Variants in CIDEC observed in about 807,000 individuals in gnomAD.
The protein encoded by CIDEC is lipid transferase CIDEC.
Under a neutral mutation model 21.9 loss-of-function variants are expected in CIDEC, and 11 were observed. That is an observed-to-expected ratio of 0.50 (90% CI 0.32 to 0.83). The LOEUF is 0.83. Among genes scored for constraint, CIDEC ranks in the 40% least tolerant of loss-of-function variants. The probability of loss-of-function intolerance (pLI) is 0.04; values close to 1 mark genes in which losing one functional copy is unlikely to be tolerated. For missense variants in CIDEC, 302 were observed against 302.3 expected (o/e 1.00, Z 0.01); for synonymous variants, 127 against 124.9 (o/e 1.02, Z -0.11).
chr3:9,878,328 A>T, intron 3 of CIDEC, 106 bp downstream of exon 3: 6 of 879,790 alleles, frequency 6.8e-6, no homozygotes, highest in Non-Finnish European at 1.2e-5. Context: ...CAGAATCTGC[A>T]CTTGAACAAG....
intron 3 of CIDEC, 169 bp downstream of exon 3, chr3:9,878,265 C>A: frequency 1.5e-6 from 1 of 678,186 alleles, no homozygotes; most frequent in Non-Finnish European, 2.7e-6. Flanking sequence ...TAATATCACC[C>A]AGGGACTTCT....
intron 3 of CIDEC, chr3:9,878,170 C>G (rs1019429226): frequency 2.1e-6 from 1 of 471,256 alleles, no homozygotes; most frequent in African/African-American, 2.0e-5. Context: ...TGTTGTGAGG[C>G]TTACATGAGA....
rs755950777 is a variant in CIDEC, at chr3:9,870,084, G to C, written c.367-15C>G. 1 of 1,614,156 alleles carries C rather than the reference G, an allele frequency of 6.2e-7. No homozygotes were observed. Among genetic ancestry groups the C allele is most frequent in the South Asian group, 1.1e-5 (1 of 91,080 alleles). On this transcript the variant is annotated splice_polypyrimidine_tract_variant and intron_variant, in intron 5 of 6. Coordinates refer to ENST00000336832, the MANE Select transcript of CIDEC (RefSeq NM_001321142.2). ...TGCCTTGTCCCCTGCATTGAGACAAGCAAATGGTTAGCACCCCTTGAAGAC... is the reference window on the plus strand; with the variant it reads ...TGCCTTGTCCCCTGCATTGAGACAACCAAATGGTTAGCACCCCTTGAAGAC...
In CIDEC at chr3:9,867,080, C is replaced by T. The variant is rs760305070; in HGVS notation, c.*54G>A. On this transcript the variant is annotated 3_prime_UTR_variant, in exon 7 of 7. Coordinates refer to ENST00000336832, the MANE Select transcript of CIDEC (RefSeq NM_001321142.2). ...AGGCTTGTGGGCACTACCAGTTAAG[C>T]GTGAGGCCCCCAGTCAGTCCTTCAC... 47 of 1,590,442 alleles carry T rather than the reference C, an allele frequency of 3.0e-5. No homozygotes were observed. The East Asian group carries it at 7.4e-4, about 25-fold the overall frequency.
At position 9,867,191 on chromosome 3, in the gene CIDEC, C is replaced by A. The variant is rs52790883; in HGVS notation, c.660G>T (p.Gln220His). 806 of 1,614,060 alleles carry A rather than the reference C, an allele frequency of 5.0e-4. 1 individual carries two copies. Among genetic ancestry groups the A allele is most frequent in the Non-Finnish European group, 4.8e-4 (566 of 1,180,050 alleles). The change falls in exon 7 of 7, where the codon CAG becomes CAT. Residue 220 changes from glutamine to histidine, a missense_variant. Gln to His is a conservative substitution (Grantham distance 24). Transcript: ENST00000336832. ...GGGATGAGGCCTTGCCCTTGGGGGG[C>A]TGCCCTTCCTCCGTAGCATCGAGGA... ...QQLLDATEEGQPPKGKASSLI... is the reference protein window; with the variant it reads ...QQLLDATEEGHPPKGKASSLI...
At chr3:9,873,879 G>T (rs1351129884) in intron 4 of CIDEC, among the ~76,000 whole-genome samples, 1 of 152,122 alleles carries the variant, frequency 6.6e-6, no homozygotes, top group Admixed American at 6.6e-5. Flanking sequence ...GATTCACTAA[G>T]GAACATATCT....
intron 3 of CIDEC, 67 bp downstream of exon 3, chr3:9,878,367 G>A (rs1273056002): frequency 9.9e-6 from 12 of 1,209,340 alleles, no homozygotes; most frequent in South Asian, 4.8e-5. Context: ...ACCCATTAAA[G>A]TTTGAGAAGT....
chr3:9,877,179 G>A lies in CIDEC; in HGVS notation c.94C>T (p.Leu32=). 6.4e-7 allele frequency: 1 copy of A among 1,550,866 alleles called. No homozygotes were observed. The highest frequency in any genetic ancestry group is 8.7e-7 in the Non-Finnish European group (1 of 1,147,092). ...VRTSVVTQQL[L]SEPSPKAPRA... ...GGGGCCTTGGGGCTGGGCTCCGACA[G>A]CAGCTGCTGGGTCACCACAGAGGTA... The change falls in exon 4 of 7, where the codon CTG becomes TTG. Residue 32 remains leucine (L), a synonymous_variant. Transcript: ENST00000336832.
intron 4 of CIDEC, 197 bp from the exon 5 acceptor site, chr3:9,870,519 A>C: frequency 2.7e-6 from 4 of 1,464,626 alleles, no homozygotes; most frequent in Non-Finnish European, 3.7e-6. Flanking sequence ...GTCACATATA[A>C]TTTTTAATTG....
rs994138035 is a variant in CIDEC at position 9,866,768 on chromosome 3, G to A, written c.*366C>T. ...TAATATCACATGCTAGTGCGCTTGC[G>A]AATTCACTCAGGAATGTTCCGGGAT... On this transcript the variant is annotated 3_prime_UTR_variant, in exon 7 of 7. Coordinates refer to ENST00000336832, the MANE Select transcript of CIDEC (RefSeq NM_001321142.2). The A allele has an allele frequency of 3.4e-5, 18 of 531,328 alleles. No homozygotes were observed. The highest frequency in any genetic ancestry group is 1.5e-4 in the African/African-American group (8 of 53,056). The allele number at this position is 531,328 out of a possible 1,614,324, so 32.9% of individuals were successfully genotyped here. A position where few individuals can be genotyped will look rare whatever the true frequency, so the allele number is the denominator to read the frequency against.
chr3:9,878,869 G>T, intron 2 of CIDEC, 73 bp downstream of exon 2: 3 of 1,484,940 alleles, frequency 2.0e-6, no homozygotes, highest in Non-Finnish European at 2.7e-6. Context: ...TCCTGTCCAT[G>T]GGGACAGAGT....
chr3:9,875,491 A>G (rs543256763), intron 4 of CIDEC, among the ~76,000 whole-genome samples: 1 of 152,334 alleles, frequency 6.6e-6, no homozygotes, highest in Non-Finnish European at 1.5e-5. Context: ...TCAAGGAAAC[A>G]CTGAAAAACT....
At chr3:9,876,987 G>T in intron 4 of CIDEC, 79 bp downstream of exon 4, 1 of 1,237,272 alleles carries the variant, frequency 8.1e-7, no homozygotes, top group Non-Finnish European at 1.2e-6. Context: ...AGGAAACTGT[G>T]CCACCTTCTA....
chr3:9,870,044 G>T lies in CIDEC; in HGVS notation c.392C>A (p.Ser131Tyr), dbSNP rs774253091. The T allele has an allele frequency of 6.2e-7, 1 of 1,614,092 alleles. No individual in the cohort carries two copies. The highest frequency in any genetic ancestry group is 8.5e-7 in the Non-Finnish European group (1 of 1,180,038). ...ATCAATCTTCTTGGCAGGCTTATGG[G>T]AGAGGGACAGTGGGTGCCTTGTCCC... ...EQGTRHPLSL[S>Y]HKPAKKIDVA... The change falls in exon 6 of 7, where the codon TCC becomes TAC. Residue 131 changes from serine (S) to tyrosine (Y), a missense_variant. Ser to Tyr is a moderately radical substitution (Grantham distance 144, BLOSUM62 -2). Coordinates refer to ENST00000336832, the MANE Select transcript of CIDEC (RefSeq NM_001321142.2).
chr3:9,878,130 T>A (rs930510077), intron 3 of CIDEC: 1 of 361,958 alleles, frequency 2.8e-6, no homozygotes, highest in Non-Finnish European at 5.2e-6. Flanking sequence ...CACCTATTAA[T>A]TTGGTATAAT....
Position 9,869,939 on chromosome 3 carries a change from T to C in CIDEC, c.497A>G (p.Tyr166Cys), listed in dbSNP as rs758040723. ...ATCATAGGAAAGGGAGTATGTATCA[T>C]AAAAAGTCGCCTTCACGTTCAGGCA... ...IGCLNVKATFYDTYSLSYDLH... is the reference protein window; with the variant it reads ...IGCLNVKATFCDTYSLSYDLH... Residue 166 changes from tyrosine (Y) to cysteine (C), a missense_variant, in exon 6 of 7, where the codon TAT (tyrosine) becomes TGT (cysteine). By Grantham distance (194) the Tyr-to-Cys change is radical. Coordinates refer to ENST00000336832, the MANE Select transcript of CIDEC (RefSeq NM_001321142.2). 2 of 1,613,874 alleles carry C rather than the reference T, an allele frequency of 1.2e-6. No individual in the cohort carries two copies. Among genetic ancestry groups the C allele is most frequent in the South Asian group, 1.1e-5 (1 of 91,066 alleles).
chr3:9,867,901 G>A (rs777280948), intron 6 of CIDEC, among the ~76,000 whole-genome samples: 12 of 152,190 alleles, frequency 7.9e-5, no homozygotes, highest in Non-Finnish European at 1.6e-4. Flanking sequence ...CTGCACTCCA[G>A]CCTGGGTGAC....
At chr3:9,870,936 G>A (rs534434593) in intron 4 of CIDEC, among the ~76,000 whole-genome samples, 5 of 151,902 alleles carry the variant, frequency 3.3e-5, no homozygotes, top group Admixed American at 2.0e-4. Flanking sequence ...TATCACGTCC[G>A]GACATAATTC....
At chr3:9,871,381 G>A (rs279598) in intron 4 of CIDEC, among the ~76,000 whole-genome samples, 111,799 of 141,442 alleles carry the variant, frequency 0.79, 44,279 homozygotes, top group Middle Eastern at 0.86. Context: ...GAGACAGGGT[G>A]CTGCTTTGTT....
Sources: allele counts gnomAD v4.1 joint callset (sites outside exome capture counted in the v4.1 genomes callset), GRCh38; gene constraint gnomAD v4.1.1; transcripts MANE v1.5; gene names NCBI Gene and HGNC (gene_info 2026-07-23, HGNC 2026-07-21).